The following GALNT11 variants were observed in gnomAD, a reference collection of about 807,000 sequenced individuals.
The protein encoded by GALNT11 is polypeptide N-acetylgalactosaminyltransferase 11, also known as UDP-GalNAc:polypeptide N-acetylgalactosaminyltransferase 11.
A neutral mutation model predicts 72.7 loss-of-function variants in GALNT11; 47 were observed. The ratio of observed to expected loss-of-function variants is 0.65; its 90% confidence interval spans 0.51 to 0.82. GALNT11 has a LOEUF of 0.82. GALNT11 is among the 40% of genes least tolerant of loss of function. GALNT11 has a pLI of 0.00. For synonymous variants in GALNT11, 270 were observed against 286.6 expected (o/e 0.94, Z 0.58); for missense variants, 677 against 778.4 (o/e 0.87, Z 1.55).
At chr7:152,033,199 G>A (rs1341633990) in intron 1 of GALNT11, among the ~76,000 whole-genome samples, 5 of 152,150 alleles carry the variant, frequency 3.3e-5, no homozygotes, top group South Asian at 2.1e-4. Flanking sequence ...TGATTGCCTC[G>A]GCATAGCGGA....
chr7:152,061,159 C>T (rs1300490428), intron 1 of GALNT11, among the ~76,000 whole-genome samples: 1 of 152,048 alleles, frequency 6.6e-6, no homozygotes, highest in East Asian at 1.9e-4. Context: ...TTTTAATGAT[C>T]GCCATTCTAA....
At chr7:152,064,355 A>C (rs1221864073) in intron 1 of GALNT11, among the ~76,000 whole-genome samples, 1 of 152,190 alleles carries the variant, frequency 6.6e-6, no homozygotes, top group Non-Finnish European at 1.5e-5. Flanking sequence ...GTGTCTCTGC[A>C]CATGAGATGG....
At chr7:152,109,233 T>C (rs369794710) in intron 6 of GALNT11, among the ~76,000 whole-genome samples, 24 of 152,368 alleles carry the variant, frequency 1.6e-4, no homozygotes, top group South Asian at 4.1e-4. Flanking sequence ...TTTCCGAAAA[T>C]GTCCTTATGT....
intron 1 of GALNT11, among the ~76,000 whole-genome samples, chr7:152,029,282 ACT>A (rs1160064319): frequency 6.6e-6 from 1 of 151,774 alleles, no homozygotes; most frequent in Admixed American, 6.6e-5. Flanking sequence ...TTTCTTGCAA[ACT>A]CTCTTGAGAA....
At chr7:152,095,764 A>C (rs910261833) in intron 2 of GALNT11, among the ~76,000 whole-genome samples, 1 of 152,214 alleles carries the variant, frequency 6.6e-6, no homozygotes, top group Non-Finnish European at 1.5e-5. Flanking sequence ...TGAGTTTACC[A>C]TTTTGAATAG....
At chr7:152,073,168 T>C (rs1347893199) in intron 1 of GALNT11, among the ~76,000 whole-genome samples, 1 of 152,212 alleles carries the variant, frequency 6.6e-6, no homozygotes, top group African/African-American at 2.4e-5. Context: ...TTCAATATTC[T>C]CCTTATAGCT....
chr7:152,099,530 GTTTTTTTTT>G (rs1009548038), intron 2 of GALNT11, among the ~76,000 whole-genome samples: 1 of 57,790 alleles, frequency 1.7e-5, no homozygotes, highest in African/African-American at 7.5e-5. Flanking sequence ...CTCCCGCCTA[GTTTTTTTTT>G]TTTTTTTTTT....
rs1443503024 is a variant in GALNT11, at chr7:152,039,498, T to C, written c.-39+13614T>C. 2.6e-5 allele frequency among the ~76,000 whole-genome samples: 4 copies of C among 152,284 alleles called. No individual in the cohort carries two copies. In the East Asian group the frequency reaches 7.7e-4, roughly 29 times the overall value. On this transcript the variant is annotated intron_variant, in intron 1 of 11. Transcript: ENST00000430044. ...AAGGCAGTGGTGATCACCGCTATCATTAAATTATTCATTGTGACTGGTTGT... is the reference window on the plus strand; with the variant it reads ...AAGGCAGTGGTGATCACCGCTATCACTAAATTATTCATTGTGACTGGTTGT...
intron 2 of GALNT11, among the ~76,000 whole-genome samples, chr7:152,095,113 C>G (rs2086287842): frequency 1.3e-5 from 2 of 151,960 alleles, no homozygotes; most frequent in South Asian, 2.1e-4. Context: ...TTTCACTTAA[C>G]AAGAATTACT....
intron 2 of GALNT11, among the ~76,000 whole-genome samples, chr7:152,098,031 T>C (rs189729463): frequency 5.9e-5 from 9 of 152,340 alleles, no homozygotes; most frequent in African/African-American, 9.6e-5. Flanking sequence ...ATCCACAATT[T>C]CTTACATAAA....
intron 1 of GALNT11, among the ~76,000 whole-genome samples, chr7:152,070,458 T>G (rs1017086746): frequency 6.6e-6 from 1 of 151,170 alleles, no homozygotes; most frequent in African/African-American, 2.4e-5. Flanking sequence ...GGCAGGGCTG[T>G]TTCACTTTTT....
rs2086835724 is a variant in GALNT11, at chr7:152,101,016, A to G, written c.419+95A>G. The G allele has an allele frequency of 8.8e-6, 13 of 1,484,426 alleles. No homozygotes were observed. In the South Asian group the frequency reaches 1.4e-4, roughly 15 times the overall value. The allele number at this position is 1,484,426 out of a possible 1,614,324, so 92.0% of individuals were successfully genotyped here. ...ACGAGGACGGGGTTCATATTTCCCA[A>G]TGCAGCGTCTTTATTCAGCATACTA... On this transcript the variant is annotated intron_variant, in intron 3 of 11. Transcript: ENST00000430044.
intron 1 of GALNT11, among the ~76,000 whole-genome samples, chr7:152,057,739 C>T (rs188031334): frequency 6.6e-6 from 1 of 151,168 alleles, no homozygotes; most frequent in African/African-American, 2.5e-5. Flanking sequence ...CCCACATATC[C>T]CATATCCAAT....
intron 8 of GALNT11, among the ~76,000 whole-genome samples, chr7:152,113,694 C>A (rs930026481): frequency 2.9e-5 from 4 of 138,434 alleles, no homozygotes; most frequent in Non-Finnish European, 6.3e-5. Flanking sequence ...TATTGTGACG[C>A]CTGCAAAAGT....
At chr7:152,035,290 A>G (rs749555914) in intron 1 of GALNT11, among the ~76,000 whole-genome samples, 2 of 152,208 alleles carry the variant, frequency 1.3e-5, no homozygotes, top group Admixed American at 6.5e-5. Flanking sequence ...CCTGGAGTTT[A>G]TACTAGAAAT....
chr7:152,073,934 C>A (rs1429290003), intron 1 of GALNT11, among the ~76,000 whole-genome samples: 2 of 152,048 alleles, frequency 1.3e-5, no homozygotes, highest in East Asian at 3.8e-4. Flanking sequence ...TATTTCTTGG[C>A]CATTTGTCTT....
chr7:152,102,973 C>G (rs1429654781), intron 3 of GALNT11, 139 bp from the exon 4 acceptor site: 18 of 758,268 alleles, frequency 2.4e-5, no homozygotes, highest in African/African-American at 3.9e-5. Context: ...AAGAGCGAGA[C>G]TCCGTCTCAA....
intron 2 of GALNT11, among the ~76,000 whole-genome samples, chr7:152,098,797 A>G (rs1259337028): frequency 6.6e-6 from 1 of 152,180 alleles, no homozygotes; most frequent in Non-Finnish European, 1.5e-5. Context: ...CTCTCCTTGT[A>G]TAAAATGCTA....
At chr7:152,029,870 C>G (rs903905551) in intron 1 of GALNT11, among the ~76,000 whole-genome samples, 8 of 152,176 alleles carry the variant, frequency 5.3e-5, no homozygotes, top group Non-Finnish European at 1.2e-4. Flanking sequence ...AGGAAACCTG[C>G]TGGGTTAAGG....
Sources: allele counts gnomAD v4.1 joint callset (sites outside exome capture counted in the v4.1 genomes callset), GRCh38; gene constraint gnomAD v4.1.1; transcripts MANE v1.5; gene names NCBI Gene and HGNC (gene_info 2026-07-23, HGNC 2026-07-21).